The following INPP4B variants were observed in gnomAD, a reference collection of about 807,000 sequenced individuals.
INPP4B encodes the protein inositol polyphosphate 4-phosphatase type II.
Under a neutral mutation model 122.5 loss-of-function variants are expected in INPP4B, and 55 were observed. The ratio of observed to expected loss-of-function variants is 0.45; its 90% CI spans 0.36 to 0.56. The LOEUF is 0.56. Ranked by LOEUF, INPP4B falls within the 20% of genes least tolerant of loss-of-function variation. The pLI is 0.00. For synonymous variants in INPP4B, 403 were observed against 388.7 expected, an observed-to-expected ratio of 1.04 and a Z score of -0.43; for missense variants, 1,000 against 1,097.7, an observed-to-expected ratio of 0.91 and a Z score of 1.26.
chr4:142,537,423 T>TAGAGAG (rs1476285253), intron 2 of INPP4B, among the ~76,000 whole-genome samples: 4 of 47,986 alleles, frequency 8.3e-5, no homozygotes, highest in African/African-American at 1.4e-4. Context: ...TATATATATA[T>TAGAGAG]ATATATAGAG....
chr4:142,070,831 A>T (rs1385852124), intron 25 of INPP4B, among the ~76,000 whole-genome samples: 6 of 152,168 alleles, frequency 3.9e-5, no homozygotes, highest in Non-Finnish European at 8.8e-5. Flanking sequence ...TCAACGAAAT[A>T]AAAGAGGACA....
chr4:142,399,420 C>A lies in INPP4B; in HGVS notation c.372+3518G>T, dbSNP rs2149113011. Among the ~76,000 whole-genome samples, 2 of 152,092 alleles carry A rather than the reference C, an allele frequency of 1.3e-5. 1 individual carries two copies. The highest frequency in any genetic ancestry group is 4.1e-4 in the South Asian group (2 of 4,824). On this transcript the variant is annotated intron_variant, in intron 7 of 25. Coordinates refer to ENST00000262992, the MANE Select transcript of INPP4B (RefSeq NM_001101669.3). ...CCATGTTGGCTAGGATGGTCTCAAT[C>A]TCTTGACCTCATGATCCACCCACCT...
chr4:142,583,940 A>G (rs1735631001), intron 2 of INPP4B, among the ~76,000 whole-genome samples: 3 of 152,132 alleles, frequency 2.0e-5, no homozygotes, highest in South Asian at 4.1e-4. Flanking sequence ...ATTCCAATCA[A>G]AATTAAAACT....
Position 142,182,434 on chromosome 4 carries a change from G to A in INPP4B, c.1182-8625C>T, listed in dbSNP as rs183669911. ...GTGGTGGCAGGTGCCTGTAGTCCCA[G>A]CTACTTGAGAGGCTGAGGCAGGAGA... On this transcript the variant is annotated intron_variant, in intron 15 of 25. Transcript: ENST00000262992. Among the ~76,000 whole-genome samples, 443 of 151,218 alleles carry A rather than the reference G, an allele frequency of 2.9e-3. 2 individuals carry two copies. The highest frequency in any genetic ancestry group is 9.9e-3 in the African/African-American group (409 of 41,160).
rs746028010 is a variant in INPP4B at position 142,617,821 on chromosome 4, C to A, written c.-191+108018G>T. Among the ~76,000 whole-genome samples the A allele has an allele frequency of 2.6e-5, 4 of 152,206 alleles. No homozygotes were observed. In the East Asian group the frequency reaches 7.7e-4, roughly 29 times the overall value. ...GCTTAGCATCTCTCACCTTGCCAAGCTGGATTGAATTAACACAATTTCCAG... is the reference window on the plus strand; with the variant it reads ...GCTTAGCATCTCTCACCTTGCCAAGATGGATTGAATTAACACAATTTCCAG... On this transcript the variant is annotated intron_variant, in intron 2 of 25. Coordinates refer to ENST00000262992, the MANE Select transcript of INPP4B (RefSeq NM_001101669.3).
chr4:142,032,103 A>AT (rs1301123305), intron 25 of INPP4B, among the ~76,000 whole-genome samples: 1 of 152,326 alleles, frequency 6.6e-6, no homozygotes, highest in East Asian at 1.9e-4. Flanking sequence ...AGAAAGGGAA[A>AT]GAAAGATGTG....
At chr4:142,573,993 A>T (rs1733350475) in intron 2 of INPP4B, among the ~76,000 whole-genome samples, 1 of 152,156 alleles carries the variant, frequency 6.6e-6, no homozygotes, top group Non-Finnish European at 1.5e-5. Context: ...ATTGCCTGAA[A>T]TAAACTGATG....
chr4:142,305,437 T>C, intron 9 of INPP4B, 21 bp downstream of exon 9: 2 of 1,565,806 alleles, frequency 1.3e-6, no homozygotes, highest in South Asian at 1.1e-5. Flanking sequence ...TAACAGTATT[T>C]CTACAAACAA....
intron 21 of INPP4B, among the ~76,000 whole-genome samples, chr4:142,116,947 C>G (rs1030642262): frequency 6.6e-6 from 1 of 151,980 alleles, no homozygotes; most frequent in Non-Finnish European, 1.5e-5. Flanking sequence ...AGAAAATAAA[C>G]AAATAGATGC....
chr4:142,176,145 A>G, intron 15 of INPP4B, among the ~76,000 whole-genome samples: 1 of 147,082 alleles, frequency 6.8e-6, no homozygotes, highest in East Asian at 2.0e-4. Flanking sequence ...TATTATTATT[A>G]TTATTATTAT....
At chr4:142,757,885 G>T (rs1206011582) in intron 1 of INPP4B, among the ~76,000 whole-genome samples, 1 of 152,132 alleles carries the variant, frequency 6.6e-6, no homozygotes, top group Non-Finnish European at 1.5e-5. Context: ...ATGAATGAAA[G>T]TTCCTATTGT....
intron 1 of INPP4B, among the ~76,000 whole-genome samples, chr4:142,761,639 G>T (rs772530758): frequency 6.6e-6 from 1 of 152,158 alleles, no homozygotes; most frequent in Non-Finnish European, 1.5e-5. Flanking sequence ...GAAAGTCATT[G>T]TCAAGTTGAC....
rs1737286673 is a variant in INPP4B, at chr4:142,027,258, T to C, written c.*1524A>G. Reference sequence around the variant, plus strand: ...CCAAATGCTTATCTAAAATTTGTAGTAATTTGAAAAACTTAACATGGGGCT... The same window carrying C: ...CCAAATGCTTATCTAAAATTTGTAGCAATTTGAAAAACTTAACATGGGGCT... On this transcript the variant is annotated 3_prime_UTR_variant, in exon 26 of 26. Coordinates refer to ENST00000262992, the MANE Select transcript of INPP4B (RefSeq NM_001101669.3). The C allele has an allele frequency of 6.6e-6, 1 of 152,178 alleles. No homozygotes were observed. Among genetic ancestry groups the C allele is most frequent in the African/African-American group, 2.4e-5 (1 of 41,456 alleles). 9.4% of individuals were successfully genotyped at this position (152,178 alleles called of 1,614,324 possible).
At chr4:142,201,394 T>C (rs906579913) in intron 14 of INPP4B, among the ~76,000 whole-genome samples, 1 of 152,134 alleles carries the variant, frequency 6.6e-6, no homozygotes, top group Admixed American at 6.6e-5. Context: ...AAGTTGCAAA[T>C]TTATTATCTT....
chr4:142,082,047 G>C lies in INPP4B; in HGVS notation c.2626C>G (p.Leu876Val). The change falls in exon 25 of 26, where the codon CTG becomes GTG. Residue 876 changes from leucine (L) to valine (V), a missense_variant. Coordinates refer to ENST00000262992, the MANE Select transcript of INPP4B (RefSeq NM_001101669.3). ...GTGAGATACCTTCTCATGCAATCCA[G>C]CGCTCGGATAAAGAAGTCCTTGTGT... ...QLHKDFFIRALDCMRREGCRI... is the reference protein window; with the variant it reads ...QLHKDFFIRAVDCMRREGCRI... The C allele has an allele frequency of 1.4e-6, 2 of 1,464,286 alleles. No individual in the cohort carries two copies. Among genetic ancestry groups the C allele is most frequent in the Non-Finnish European group, 1.8e-6 (2 of 1,083,540 alleles). The allele number at this position is 1,464,286 out of a possible 1,614,324, so 90.7% of individuals were successfully genotyped here. A position where few individuals can be genotyped will look rare whatever the true frequency, so the allele number is the denominator to read the frequency against.
intron 2 of INPP4B, among the ~76,000 whole-genome samples, chr4:142,508,201 C>T (rs1824259107): frequency 6.6e-6 from 1 of 152,104 alleles, no homozygotes; most frequent in Admixed American, 6.6e-5. Flanking sequence ...CACAGATGGC[C>T]TAATCACTTT....
chr4:142,614,310 C>CAATA (rs1743231191), intron 2 of INPP4B, among the ~76,000 whole-genome samples: 1 of 151,978 alleles, frequency 6.6e-6, no homozygotes, highest in African/African-American at 2.4e-5. Flanking sequence ...ACACACTGTT[C>CAATA]AATAAATGAT....
intron 9 of INPP4B, among the ~76,000 whole-genome samples, chr4:142,300,830 T>C (rs910651917): frequency 2.6e-5 from 4 of 152,172 alleles, no homozygotes; most frequent in Admixed American, 2.6e-4. Context: ...ACTGTAAATG[T>C]GGTAGAAGTA....
At chr4:142,176,774 C>T (rs752658488) in intron 15 of INPP4B, among the ~76,000 whole-genome samples, 4 of 152,076 alleles carry the variant, frequency 2.6e-5, no homozygotes, top group Non-Finnish European at 4.4e-5. Context: ...GAGATACCAA[C>T]GCAGGGACGG....
Sources: gnomAD v4.1 joint callset for allele counts (sites outside exome capture counted in the v4.1 genomes callset) on GRCh38, gnomAD v4.1.1 for gene constraint, MANE v1.5 for transcripts, NCBI Gene and HGNC (gene_info 2026-07-23, HGNC 2026-07-21) for gene names.